PTPRN2: variants seen among roughly 807,000 people sequenced by gnomAD.
PTPRN2 encodes the protein receptor-type tyrosine-protein phosphatase N2.
PTPRN2 carries 74 observed loss-of-function variants against 118.8 expected under a neutral mutation model. That is an observed-to-expected ratio of 0.62 (90% confidence interval 0.52 to 0.76). The LOEUF (loss-of-function observed/expected upper bound fraction) is 0.76, where lower values mean the gene tolerates loss of function less well. Among genes scored for constraint, PTPRN2 ranks in the 30% least tolerant of loss-of-function variants. PTPRN2 has a pLI of 0.00. For missense variants in PTPRN2, 1,481 were observed against 1,394.4 expected (o/e 1.06, Z -0.99); for synonymous variants, 641 against 608.0 (o/e 1.05, Z -0.80).
At chr7:158,553,396 G>C (rs1293820613) in intron 1 of PTPRN2, among the ~76,000 whole-genome samples, 2 of 132,178 alleles carry the variant, frequency 1.5e-5, no homozygotes, top group African/African-American at 5.9e-5. Context: ...GTCTACACCA[G>C]CCTCCCCTTA....
intron 11 of PTPRN2, among the ~76,000 whole-genome samples, chr7:158,002,714 G>C (rs1381441059): frequency 6.6e-6 from 1 of 152,216 alleles, no homozygotes. Context: ...AAGCAGATCT[G>C]AGGACGTTTC....
At chr7:158,176,449 C>G (rs1344095193) in intron 5 of PTPRN2, among the ~76,000 whole-genome samples, 1 of 152,246 alleles carries the variant, frequency 6.6e-6, no homozygotes, top group Non-Finnish European at 1.5e-5. Flanking sequence ...AGCTAAGATG[C>G]AGCCCTTCTC....
At position 158,574,159 on chromosome 7, in the gene PTPRN2, A is replaced by C. The variant is rs1828198415; in HGVS notation, c.112+13399T>G. On this transcript the variant is annotated intron_variant, in intron 1 of 22. Coordinates refer to ENST00000389418, the MANE Select transcript of PTPRN2 (RefSeq NM_002847.5). This position sits in a 1 kb window ranked among gnomAD's most constrained non-coding sequence, Gnocchi z 4.6. Reference sequence around the variant, plus strand: ...TTTATGCATATTTTCAGTAGTGATGAGCACTGTTCTCAGCATATATTGTGC... The same window carrying C: ...TTTATGCATATTTTCAGTAGTGATGCGCACTGTTCTCAGCATATATTGTGC... Among the ~76,000 whole-genome samples the C allele has an allele frequency of 6.6e-6, 1 of 152,236 alleles. No individual in the cohort carries two copies. The highest frequency in any genetic ancestry group is 2.4e-5 in the African/African-American group (1 of 41,464).
rs1460326144 is a variant in PTPRN2, at chr7:157,622,474, C to T, written c.2197-965G>A. Among the ~76,000 whole-genome samples, 2 of 152,146 alleles carry T rather than the reference C, an allele frequency of 1.3e-5. No individual in the cohort carries two copies. Among genetic ancestry groups the T allele is most frequent in the African/African-American group, 4.8e-5 (2 of 41,438 alleles). On this transcript the variant is annotated intron_variant, in intron 14 of 22. Transcript: ENST00000389418. This position sits in a 1 kb window ranked among gnomAD's most constrained non-coding sequence, Gnocchi z 5.3. ...GATCCGAGGAGCTGGGATGGTCCCTCCCTGCCCACTGGGGCCCGTTCCAGG... is the reference window on the plus strand; with the variant it reads ...GATCCGAGGAGCTGGGATGGTCCCTTCCTGCCCACTGGGGCCCGTTCCAGG...
At chr7:157,656,294 G>A (rs1806081073) in intron 14 of PTPRN2, 63 bp downstream of exon 14, 1 of 1,458,256 alleles carries the variant, frequency 6.9e-7, no homozygotes, top group Non-Finnish European at 9.3e-7. Context: ...GCTGGGTGTT[G>A]CAGGGGCCGA....
intron 12 of PTPRN2, among the ~76,000 whole-genome samples, chr7:157,699,869 G>A (rs1053481397): frequency 3.9e-5 from 6 of 152,202 alleles, no homozygotes; most frequent in African/African-American, 7.2e-5. Context: ...GCATGTCCTC[G>A]GTCAGTGCGG....
At chr7:158,577,247 C>A (rs1306879507) in intron 1 of PTPRN2, among the ~76,000 whole-genome samples, 2 of 126,680 alleles carry the variant, frequency 1.6e-5, no homozygotes, top group African/African-American at 6.4e-5. Context: ...TCCTGAATGC[C>A]ACAGACAGCA....
chr7:158,128,830 G>A (rs933721871), intron 9 of PTPRN2, among the ~76,000 whole-genome samples: 3 of 152,054 alleles, frequency 2.0e-5, no homozygotes, highest in Admixed American at 2.0e-4. Context: ...CCCCTGCAAG[G>A]GTGGCTCAAG....
intron 11 of PTPRN2, among the ~76,000 whole-genome samples, chr7:157,988,660 C>A (rs976999251): frequency 5.3e-5 from 8 of 152,186 alleles, no homozygotes; most frequent in African/African-American, 1.9e-4. Flanking sequence ...CTGGAGGGAA[C>A]CGGGGGAGGG....
At chr7:157,961,458 G>A (rs1018532213) in intron 11 of PTPRN2, among the ~76,000 whole-genome samples, 3 of 151,836 alleles carry the variant, frequency 2.0e-5, no homozygotes, top group South Asian at 2.1e-4. Context: ...GCTTGAACCC[G>A]GGAGGTGGAG....
At chr7:158,164,100 A>G (rs549962385) in intron 6 of PTPRN2, among the ~76,000 whole-genome samples, 1 of 152,316 alleles carries the variant, frequency 6.6e-6, no homozygotes, top group South Asian at 2.1e-4. Flanking sequence ...GAGAGTGGAG[A>G]GAGCACGGTC....
intron 2 of PTPRN2, among the ~76,000 whole-genome samples, chr7:158,381,168 A>T (rs2151345625): frequency 6.6e-6 from 1 of 152,336 alleles, no homozygotes; most frequent in East Asian, 1.9e-4. Flanking sequence ...GCTCCTTGTT[A>T]CTTAGGCAAA....
At chr7:157,731,900 T>C (rs369477391) in intron 12 of PTPRN2, among the ~76,000 whole-genome samples, 961 of 6,700 alleles carry the variant, frequency 0.14, 36 homozygotes, top group East Asian at 0.41. Flanking sequence ...GCACAGTTAC[T>C]CTTTCCCGTC....
chr7:157,945,712 GGAT>G (rs1800441951), intron 11 of PTPRN2, among the ~76,000 whole-genome samples: 2 of 150,044 alleles, frequency 1.3e-5, no homozygotes, highest in African/African-American at 2.5e-5. Flanking sequence ...CCTCCAACTT[GGAT>G]GATGCCACCT....
At position 157,671,872 on chromosome 7, in the gene PTPRN2, C is replaced by G. The variant is rs1239161567; in HGVS notation, c.2001+10853G>C. On this transcript the variant is annotated intron_variant, in intron 13 of 22. Coordinates refer to ENST00000389418, the MANE Select transcript of PTPRN2 (RefSeq NM_002847.5). The surrounding 1 kb of genome is among the most constrained non-coding windows in gnomAD (Gnocchi z 4.1). ...TGCTGGGAATCCCGGTCTCAGAGGT[C>G]TCAGCTCTGACCGAAGGGTGCTGAG... Among the ~76,000 whole-genome samples the G allele has an allele frequency of 1.3e-5, 2 of 152,144 alleles. No homozygotes were observed. The highest frequency in any genetic ancestry group is 1.3e-4 in the Admixed American group (2 of 15,282).
chr7:157,842,410 CTTT>C lies in PTPRN2; in HGVS notation c.1788+56260_1788+56262del, dbSNP rs11316558. Among the ~76,000 whole-genome samples the C allele has an allele frequency of 2.8e-3, 260 of 93,258 alleles. 2 individuals are homozygous for C. In the South Asian group the frequency reaches 0.033, roughly 12 times the overall value. The allele number at this position is 93,258 out of a possible 152,430, so 61.2% of individuals were successfully genotyped here. A position where few individuals can be genotyped will look rare whatever the true frequency, so the allele number is the denominator to read the frequency against. ...CCGCTTTGTGTGCAGATTCAGGAGACTTTTTTTTTTTTTTTTTTTTTTGAGACG... is the reference window on the plus strand; with the variant it reads ...CCGCTTTGTGTGCAGATTCAGGAGACTTTTTTTTTTTTTTTTTTTGAGACG... On this transcript the variant is annotated intron_variant, in intron 12 of 22. Transcript: ENST00000389418.
chr7:157,656,571 A>T lies in PTPRN2; in HGVS notation c.2002-20T>A. 1 of 1,520,156 alleles carries T rather than the reference A, an allele frequency of 6.6e-7. No individual in the cohort carries two copies. The highest frequency in any genetic ancestry group is 8.8e-7 in the Non-Finnish European group (1 of 1,133,480). 94.2% of individuals were successfully genotyped at this position (1,520,156 alleles called of 1,614,324 possible). ...CAGCTCCTGCAGGACAGGGGGAGGAAGAGCAGGGGGTTAGTGGCATTGGGG... is the reference window on the plus strand; with the variant it reads ...CAGCTCCTGCAGGACAGGGGGAGGATGAGCAGGGGGTTAGTGGCATTGGGG... On this transcript the variant is annotated intron_variant, in intron 13 of 22. Transcript: ENST00000389418.
Position 158,489,623 on chromosome 7 carries a change from C to T in PTPRN2, c.163+112G>A, listed in dbSNP as rs1821289370. The T allele has an allele frequency of 4.4e-6, 5 of 1,149,188 alleles. No individual in the cohort carries two copies. In the South Asian group the frequency reaches 5.1e-5, roughly 12 times the overall value. The allele number at this position is 1,149,188 out of a possible 1,614,324, so 71.2% of individuals were successfully genotyped here. A position where few individuals can be genotyped will look rare whatever the true frequency, so the allele number is the denominator to read the frequency against. On this transcript the variant is annotated intron_variant, in intron 2 of 22. Coordinates refer to ENST00000389418, the MANE Select transcript of PTPRN2 (RefSeq NM_002847.5). ...CCATCCGCCTCCTCTCGGCAGCGCG[C>T]CCCGGGCGGCCCCAGCTCCAGGCCA...
At chr7:158,131,209 C>G (rs970057648) in intron 9 of PTPRN2, among the ~76,000 whole-genome samples, 2 of 151,912 alleles carry the variant, frequency 1.3e-5, no homozygotes, top group Non-Finnish European at 2.9e-5. Flanking sequence ...CACTCATATA[C>G]ACACACGTAC....
Sources: allele counts gnomAD v4.1 joint callset (sites outside exome capture counted in the v4.1 genomes callset), GRCh38; gene constraint gnomAD v4.1.1; non-coding constraint Gnocchi (gnomAD v3.1); transcripts MANE v1.5; gene names NCBI Gene and HGNC (gene_info 2026-07-23, HGNC 2026-07-21).